The following NRXN3 variants were observed in gnomAD, a reference collection of about 807,000 sequenced individuals.
NRXN3 encodes neurexin III.
A neutral mutation model predicts 137.6 loss-of-function variants in NRXN3; 32 were observed. The ratio of observed to expected loss-of-function variants is 0.23; its 90% CI spans 0.18 to 0.31. The LOEUF (loss-of-function observed/expected upper bound fraction) is 0.31. Among genes scored for constraint, NRXN3 ranks in the 10% least tolerant of loss-of-function variants. The pLI is 1.00. For missense variants in NRXN3, 1,574 were observed against 2,062.5 expected (o/e 0.76, Z 4.59); for synonymous variants, 798 against 784.5 (o/e 1.02, Z -0.29).
intron 4 of NRXN3, among the ~76,000 whole-genome samples, chr14:78,335,277 T>C (rs1346913044): frequency 6.6e-6 from 1 of 152,244 alleles, no homozygotes; most frequent in Non-Finnish European, 1.5e-5. Flanking sequence ...CTTTTTTCTC[T>C]CCCTTTTAAG....
intron 16 of NRXN3, among the ~76,000 whole-genome samples, chr14:79,562,989 G>A (rs1217967723): frequency 6.6e-6 from 1 of 152,072 alleles, no homozygotes; most frequent in Admixed American, 6.6e-5. Flanking sequence ...CAATAGATGA[G>A]GCCCTGAACA....
chr14:79,132,867 C>T (rs2057736824), intron 15 of NRXN3, among the ~76,000 whole-genome samples: 1 of 152,214 alleles, frequency 6.6e-6, no homozygotes, highest in Admixed American at 6.5e-5. Context: ...CAGCTAACCC[C>T]ACGAGGAGCT....
chr14:79,848,574 T>G (rs2099385305), intron 20 of NRXN3, among the ~76,000 whole-genome samples: 1 of 152,174 alleles, frequency 6.6e-6, no homozygotes, highest in Non-Finnish European at 1.5e-5. Flanking sequence ...TAGACCCTTT[T>G]AATACTATTA....
chr14:79,772,140 T>G (rs1269389184), intron 19 of NRXN3, among the ~76,000 whole-genome samples: 1 of 151,658 alleles, frequency 6.6e-6, no homozygotes, highest in East Asian at 1.9e-4. Flanking sequence ...TACAAACAAA[T>G]GGAAGAACAT....
At chr14:79,358,649 G>GAAAGAAAGA (rs1422170190) in intron 15 of NRXN3, among the ~76,000 whole-genome samples, 1 of 150,690 alleles carries the variant, frequency 6.6e-6, no homozygotes. Context: ...AAGAAAGAAA[G>GAAAGAAAGA]AAAGAAAGAA....
intron 10 of NRXN3, among the ~76,000 whole-genome samples, chr14:78,911,486 T>C (rs1240290638): frequency 1.3e-5 from 2 of 152,204 alleles, no homozygotes; most frequent in Non-Finnish European, 2.9e-5. Context: ...TATTATATTT[T>C]AGTCATATTG....
intron 19 of NRXN3, among the ~76,000 whole-genome samples, chr14:79,704,960 C>T (rs1003053670): frequency 1.3e-5 from 2 of 152,138 alleles, no homozygotes; most frequent in Non-Finnish European, 2.9e-5. Context: ...TTGTTTTCAT[C>T]CTTCCTTTAA....
chr14:79,139,617 C>T (rs924497577), intron 15 of NRXN3, among the ~76,000 whole-genome samples: 7 of 152,198 alleles, frequency 4.6e-5, no homozygotes, highest in African/African-American at 1.4e-4. Context: ...TAAAGCCCTA[C>T]ATTGACCATA....
chr14:79,582,979 G>A (rs571481530), intron 16 of NRXN3, among the ~76,000 whole-genome samples: 1 of 152,198 alleles, frequency 6.6e-6, no homozygotes, highest in Admixed American at 6.5e-5. Context: ...CAGTTCAATA[G>A]CAAATGCTGT....
chr14:78,296,511 C>T (rs774044361), intron 3 of NRXN3, among the ~76,000 whole-genome samples: 2 of 152,136 alleles, frequency 1.3e-5, no homozygotes, highest in Admixed American at 6.5e-5. Flanking sequence ...TACCCTTCCC[C>T]CACAAAAGAC....
At chr14:78,537,901 T>C (rs1289746416) in intron 4 of NRXN3, among the ~76,000 whole-genome samples, 1 of 152,216 alleles carries the variant, frequency 6.6e-6, no homozygotes, top group Non-Finnish European at 1.5e-5. Context: ...GTCAGGTTTG[T>C]CAAAGATCAG....
At chr14:78,249,359 C>T (rs892304065) in intron 2 of NRXN3, among the ~76,000 whole-genome samples, 5 of 152,212 alleles carry the variant, frequency 3.3e-5, no homozygotes, top group African/African-American at 4.8e-5. Context: ...ACCACAGGAC[C>T]GATGCCGGGG....
intron 10 of NRXN3, among the ~76,000 whole-genome samples, chr14:78,843,130 A>C (rs1246508914): frequency 6.6e-6 from 1 of 152,166 alleles, no homozygotes; most frequent in Non-Finnish European, 1.5e-5. Flanking sequence ...AGCGTCCATG[A>C]AATCTTCACA....
intron 4 of NRXN3, among the ~76,000 whole-genome samples, chr14:78,537,085 A>G (rs1435449491): frequency 6.6e-6 from 1 of 152,152 alleles, no homozygotes; most frequent in Non-Finnish European, 1.5e-5. Context: ...ATATGTCTTT[A>G]TAGTAGCATG....
chr14:79,253,499 C>T (rs2153381598), intron 15 of NRXN3, among the ~76,000 whole-genome samples: 1 of 152,272 alleles, frequency 6.6e-6, no homozygotes, highest in South Asian at 2.1e-4. Flanking sequence ...AGACTTCTTG[C>T]TAACCAAGTG....
Position 78,301,217 on chromosome 14 carries a change from C to T in NRXN3, c.757+3357C>T, listed in dbSNP as rs143334344. On this transcript the variant is annotated intron_variant, in intron 4 of 20. Coordinates refer to ENST00000335750, the MANE Select transcript of NRXN3 (RefSeq NM_001330195.2). ...TTGTTTTTCCTGTATATGTGGGATT[C>T]GGAATTTTCTGATGGGGTGATGGGT... Among the ~76,000 whole-genome samples, 397 of 151,510 alleles carry T rather than the reference C, an allele frequency of 2.6e-3. 4 individuals are homozygous for T. Among genetic ancestry groups the T allele is most frequent in the African/African-American group, 9.0e-3 (370 of 41,244 alleles).
In NRXN3 at chr14:79,614,889, A is replaced by G. The variant is rs113579988; in HGVS notation, c.3445-48889A>G. Among the ~76,000 whole-genome samples the G allele has an allele frequency of 2.0e-3, 299 of 152,314 alleles. 3 individuals carry two copies. The highest frequency in any genetic ancestry group is 7.0e-3 in the African/African-American group (289 of 41,576). Reference sequence around the variant, plus strand: ...TGCAGCTGCCTAGTTAGGTATTGAAATATTGTATCCACTTGCAGGTCAAAA... The same window carrying G: ...TGCAGCTGCCTAGTTAGGTATTGAAGTATTGTATCCACTTGCAGGTCAAAA... On this transcript the variant is annotated intron_variant, in intron 16 of 20. Transcript: ENST00000335750.
chr14:79,661,180 T>C (rs1225511947), intron 16 of NRXN3, among the ~76,000 whole-genome samples: 2 of 152,110 alleles, frequency 1.3e-5, no homozygotes, highest in Non-Finnish European at 2.9e-5. Context: ...GAGATGTAGA[T>C]AGCGGTTTCA....
At chr14:78,511,700 A>G (rs1371458409) in intron 4 of NRXN3, among the ~76,000 whole-genome samples, 4 of 152,194 alleles carry the variant, frequency 2.6e-5, no homozygotes, top group Admixed American at 1.3e-4. Context: ...CAAGAGTTAA[A>G]AGGTAAAATC....
Sources: allele counts gnomAD v4.1 joint callset (sites outside exome capture counted in the v4.1 genomes callset), GRCh38; gene constraint gnomAD v4.1.1; transcripts MANE v1.5; gene names NCBI Gene and HGNC (gene_info 2026-07-23, HGNC 2026-07-21).